SIK2: variants seen among roughly 807,000 people sequenced by gnomAD.
SIK2 encodes salt inducible kinase 2, also known as serine/threonine-protein kinase SIK2.
Under a neutral mutation model 103.2 loss-of-function variants are expected in SIK2, and 29 were observed. The observed-to-expected ratio is 0.28, with a 90% CI of 0.21 to 0.38. The LOEUF is 0.38. SIK2 is among the 10% of genes least tolerant of loss of function. SIK2 has a pLI of 1.00. For missense variants in SIK2, 879 were observed against 1,171.0 expected (o/e 0.75, Z 3.64); for synonymous variants, 412 against 446.1 (o/e 0.92, Z 0.96).
Position 111,720,528 on chromosome 11 carries a change from G to T in SIK2, c.1546G>T (p.Glu516Ter). ...DSPSLDSVDS[E>*]YDMGSVQRDL... is the part of the protein sequence containing the mutation. Reference sequence around the variant, plus strand: ...CCCCTCCCTTGACAGTGTGGACTCTGAGTATGATATGGGGTCTGTTCAGAG... The same window carrying T: ...CCCCTCCCTTGACAGTGTGGACTCTTAGTATGATATGGGGTCTGTTCAGAG... The change falls in exon 11 of 15, where the codon GAG (glutamate) becomes TAG (stop). Residue 516 changes from glutamate (E) to a stop codon, truncating the protein, a stop_gained. Transcript: ENST00000304987. LOFTEE classifies it high-confidence loss of function. 1 of 1,613,668 alleles carries T rather than the reference G, an allele frequency of 6.2e-7. No individual in the cohort carries two copies. Among genetic ancestry groups the T allele is most frequent in the South Asian group, 1.1e-5 (1 of 90,924 alleles).
intron 9 of SIK2, 136 bp downstream of exon 9, chr11:111,712,511 A>G (rs1943528816): frequency 2.2e-6 from 2 of 897,330 alleles, no homozygotes; most frequent in Non-Finnish European, 3.3e-6. Flanking sequence ...TTGTGGAGAA[A>G]AACCTTAGAA....
At chr11:111,682,371 TC>T (rs763137655) in intron 3 of SIK2, among the ~76,000 whole-genome samples, 1 of 152,152 alleles carries the variant, frequency 6.6e-6, no homozygotes, top group East Asian at 1.9e-4. Flanking sequence ...AGGGTACTGT[TC>T]CAGCGTAAAA....
intron 3 of SIK2, among the ~76,000 whole-genome samples, chr11:111,662,890 A>C (rs993439064): frequency 6.6e-6 from 1 of 151,464 alleles, no homozygotes; most frequent in African/African-American, 2.4e-5. Flanking sequence ...AATACAATAA[A>C]ACAAAATATT....
intron 1 of SIK2, among the ~76,000 whole-genome samples, chr11:111,607,155 G>A (rs2135828125): frequency 6.6e-6 from 1 of 152,206 alleles, no homozygotes; most frequent in East Asian, 1.9e-4. Context: ...ATTTCATAGA[G>A]GTTCTAAAAA....
At chr11:111,612,924 A>ATATATATATATATG (rs1941747194) in intron 1 of SIK2, among the ~76,000 whole-genome samples, 2 of 25,016 alleles carry the variant, frequency 8.0e-5, no homozygotes, top group African/African-American at 1.2e-4. Flanking sequence ...GGATATATAT[A>ATATATATATATATG]TATATATATA....
intron 3 of SIK2, among the ~76,000 whole-genome samples, chr11:111,662,427 G>A (rs1049816633): frequency 3.3e-5 from 5 of 152,336 alleles, no homozygotes; most frequent in South Asian, 2.1e-4. Context: ...AATGGCAAGT[G>A]GTGAAGAGTA....
chr11:111,723,126 T>C (rs1031194560), intron 14 of SIK2, among the ~76,000 whole-genome samples: 2 of 152,176 alleles, frequency 1.3e-5, no homozygotes, highest in African/African-American at 2.4e-5. Flanking sequence ...TAGAAGCAGC[T>C]TGGCCAAGGT....
intron 3 of SIK2, chr11:111,672,058 A>C: frequency 2.0e-6 from 1 of 503,736 alleles, no homozygotes; most frequent in Admixed American, 2.2e-5. Flanking sequence ...CAGGAACCAC[A>C]ACTTGTTGAT....
At chr11:111,686,491 A>G (rs1285284322) in intron 3 of SIK2, among the ~76,000 whole-genome samples, 1 of 152,224 alleles carries the variant, frequency 6.6e-6, no homozygotes, top group Non-Finnish European at 1.5e-5. Flanking sequence ...ACATGAGCCA[A>G]AGGCAGGGAA....
chr11:111,616,287 C>G lies in SIK2; in HGVS notation c.180C>G (p.Asn60Lys), dbSNP rs1565309528. 6.2e-7 allele frequency: 1 copy of G among 1,613,632 alleles called. No individual in the cohort carries two copies. Among genetic ancestry groups the G allele is most frequent in the Non-Finnish European group, 8.5e-7 (1 of 1,179,784 alleles). ...ATAAGTCTCAGCTGGATGCAGTGAA[C>G]CTTGAGAAAATCTACCGAGAAGTAC... ...IIDKSQLDAVNLEKIYREVQI... is the reference protein window; with the variant it reads ...IIDKSQLDAVKLEKIYREVQI... Residue 60 changes from asparagine (N) to lysine (K), a missense_variant, in exon 2 of 15, where the codon AAC (asparagine) becomes AAG (lysine). By Grantham distance (94) the Asn-to-Lys change is moderately conservative (BLOSUM62 0). This residue lies in a region of SIK2 where 126 missense variants were observed against 245.5 expected (regional missense o/e 0.51). Transcript: ENST00000304987.
intron 7 of SIK2, 88 bp downstream of exon 7, chr11:111,703,511 T>C (rs1354085167): frequency 2.6e-6 from 3 of 1,173,802 alleles, no homozygotes; most frequent in South Asian, 2.6e-5. Flanking sequence ...TTTTAGCACA[T>C]GTATCTCCAG....
intron 4 of SIK2, among the ~76,000 whole-genome samples, chr11:111,693,881 G>A (rs1251082202): frequency 2.6e-5 from 4 of 152,218 alleles, no homozygotes; most frequent in South Asian, 2.1e-4. Flanking sequence ...AGTATGGGCT[G>A]TGTAGTCAGG....
chr11:111,708,769 G>C (rs1943418062), intron 8 of SIK2, among the ~76,000 whole-genome samples: 1 of 151,744 alleles, frequency 6.6e-6, no homozygotes, highest in African/African-American at 2.4e-5. Context: ...TTATTTTTTT[G>C]TGGAGATAGG....
chr11:111,703,493 T>C (rs1266458025), intron 7 of SIK2, 70 bp downstream of exon 7: 5 of 1,412,176 alleles, frequency 3.5e-6, no homozygotes, highest in Admixed American at 1.7e-5. Context: ...ACACCTGTCA[T>C]CCTGGTCTTT....
intron 8 of SIK2, among the ~76,000 whole-genome samples, chr11:111,708,836 C>T (rs1209784346): frequency 6.6e-6 from 1 of 152,134 alleles, no homozygotes; most frequent in Non-Finnish European, 1.5e-5. Context: ...AATCCTCCTA[C>T]CGTGACCTCC....
Position 111,719,959 on chromosome 11 carries a change from C to A in SIK2, c.1451C>A (p.Thr484Asn). The A allele has an allele frequency of 6.2e-7, 1 of 1,614,148 alleles. No individual in the cohort carries two copies. Among genetic ancestry groups the A allele is most frequent in the Non-Finnish European group, 8.5e-7 (1 of 1,179,988 alleles). Residue 484 changes from threonine (T) to asparagine (N), a missense_variant, in exon 10 of 15, where the codon ACT becomes AAT. Around this residue, in one of 7 missense-constraint regions of SIK2, gnomAD observed 222 missense variants for 258.0 expected, o/e 0.86. Coordinates refer to ENST00000304987, the MANE Select transcript of SIK2 (RefSeq NM_015191.3). ...QSTRSGQRRH[T>N]LSEVTNQLVV... ...ACACGCAGCGGGCAGAGACGGCACA[C>A]TCTGTCAGAAGTGACCAATCAACTG... is the stretch of plus-strand genomic sequence containing the variant.
chr11:111,602,547 T>C lies in SIK2; in HGVS notation c.-17T>C. On this transcript the variant is annotated 5_prime_UTR_variant, in exon 1 of 15. Transcript: ENST00000304987. The surrounding 1 kb of genome is among the most constrained non-coding windows in gnomAD (Gnocchi z 4.5). Reference sequence around the variant, plus strand: ...CGCCCGCGCTCCTGTCCGCCGTGTCTAGCAGCGGGGCCCAGCATGGTCATG... The same window carrying C: ...CGCCCGCGCTCCTGTCCGCCGTGTCCAGCAGCGGGGCCCAGCATGGTCATG... 1 of 1,501,578 alleles carries C rather than the reference T, an allele frequency of 6.7e-7. No individual in the cohort carries two copies. Among genetic ancestry groups the C allele is most frequent in the East Asian group, 2.9e-5 (1 of 34,534 alleles). The allele number at this position is 1,501,578 out of a possible 1,614,324, so 93.0% of individuals were successfully genotyped here. A position where few individuals can be genotyped will look rare whatever the true frequency, so the allele number is the denominator to read the frequency against.
intron 9 of SIK2, among the ~76,000 whole-genome samples, chr11:111,714,027 G>C (rs1047756248): frequency 6.6e-6 from 1 of 152,188 alleles, no homozygotes; most frequent in Non-Finnish European, 1.5e-5. Flanking sequence ...GAACGAGGCA[G>C]GGGAAGTTGC....
At chr11:111,634,462 T>TC (rs1942078939) in intron 3 of SIK2, among the ~76,000 whole-genome samples, 1 of 152,070 alleles carries the variant, frequency 6.6e-6, no homozygotes, top group African/African-American at 2.4e-5. Context: ...CTTTTTTTTT[T>TC]CCACTTATTA....
Sources: gnomAD v4.1 joint callset for allele counts (sites outside exome capture counted in the v4.1 genomes callset) on GRCh38, gnomAD v4.1.1 for gene constraint, gnomAD v4.1.1 regional missense constraint, Gnocchi (gnomAD v3.1) non-coding constraint, MANE v1.5 for transcripts, NCBI Gene and HGNC (gene_info 2026-07-23, HGNC 2026-07-21) for gene names.